Variants in MAN1C1 observed in about 807,000 individuals in gnomAD.
MAN1C1 encodes the protein mannosyl-oligosaccharide 1,2-alpha-mannosidase IC.
Under a neutral mutation model 71.5 loss-of-function variants are expected in MAN1C1, and 49 were observed. That is an observed-to-expected ratio of 0.69 (90% CI 0.54 to 0.87). The LOEUF (loss-of-function observed/expected upper bound fraction) is 0.87. Among genes scored for constraint, MAN1C1 ranks in the 40% least tolerant of loss-of-function variants. The pLI is 0.00. For missense variants in MAN1C1, 743 were observed against 835.0 expected (o/e 0.89, Z 1.36); for synonymous variants, 352 against 343.7 (o/e 1.02, Z -0.27).
chr1:25,763,746 C>G (rs2047391309), intron 6 of MAN1C1, 128 bp from the exon 7 acceptor site: 1 of 748,586 alleles, frequency 1.3e-6, no homozygotes, highest in East Asian at 2.5e-5. Flanking sequence ...TTGGGCAGCT[C>G]TCCCTTCCTG....
intron 2 of MAN1C1, among the ~76,000 whole-genome samples, chr1:25,732,202 G>T (rs1177885958): frequency 6.6e-6 from 1 of 152,148 alleles, no homozygotes; most frequent in Non-Finnish European, 1.5e-5. Flanking sequence ...CAGCCCAGAG[G>T]TGGGAGATAG....
At position 25,725,070 on chromosome 1, in the gene MAN1C1, T is replaced by C. The variant is rs1409000022; in HGVS notation, c.638-21598T>C. Among the ~76,000 whole-genome samples, 3 of 152,174 alleles carry C rather than the reference T, an allele frequency of 2.0e-5. No homozygotes were observed. Among genetic ancestry groups the C allele is most frequent in the Admixed American group, 6.5e-5 (1 of 15,280 alleles). On this transcript the variant is annotated intron_variant, in intron 2 of 11. Transcript: ENST00000374332. This position sits in a 1 kb window ranked among gnomAD's most constrained non-coding sequence, Gnocchi z 4.8. ...AGAGATAAGCATTTCAATTGGGAAA[T>C]GTAATTAGCCAAGGAAAATGAATGT... is the stretch of plus-strand genomic sequence containing the variant.
chr1:25,740,565 C>T (rs541978249), intron 2 of MAN1C1, among the ~76,000 whole-genome samples: 90 of 152,088 alleles, frequency 5.9e-4, no homozygotes, highest in African/African-American at 2.1e-3. Flanking sequence ...GCCTCCCAAG[C>T]AGCTGGGACT....
intron 2 of MAN1C1, among the ~76,000 whole-genome samples, chr1:25,734,078 C>A (rs998560858): frequency 5.9e-5 from 9 of 151,698 alleles, no homozygotes; most frequent in Non-Finnish European, 1.3e-4. Flanking sequence ...GGATTACAGG[C>A]GTGAGCCACT....
At chr1:25,637,139 A>G (rs1280046696) in intron 1 of MAN1C1, among the ~76,000 whole-genome samples, 2 of 152,128 alleles carry the variant, frequency 1.3e-5, no homozygotes, top group African/African-American at 4.8e-5. Flanking sequence ...TGGGCAACAG[A>G]GCAAACTCTG....
intron 2 of MAN1C1, among the ~76,000 whole-genome samples, chr1:25,707,661 T>C (rs2046542689): frequency 6.6e-6 from 1 of 152,334 alleles, no homozygotes; most frequent in African/African-American, 2.4e-5. Context: ...CATTTGTTCA[T>C]TCAGTGAGCC....
At chr1:25,671,196 C>T (rs1427541756) in intron 1 of MAN1C1, among the ~76,000 whole-genome samples, 4 of 152,166 alleles carry the variant, frequency 2.6e-5, no homozygotes. Context: ...CTGTTTGTTC[C>T]ATGTCCTTGG....
chr1:25,704,784 A>G (rs1234873497), intron 2 of MAN1C1, among the ~76,000 whole-genome samples: 1 of 152,248 alleles, frequency 6.6e-6, no homozygotes, highest in African/African-American at 2.4e-5. Flanking sequence ...ATCTGTTGTC[A>G]TCCAGATACT....
At chr1:25,680,340 C>T (rs985254840) in intron 1 of MAN1C1, among the ~76,000 whole-genome samples, 5 of 152,150 alleles carry the variant, frequency 3.3e-5, no homozygotes, top group South Asian at 2.1e-4. Context: ...TGGGATTACA[C>T]GTGTGAGCCA....
intron 1 of MAN1C1, among the ~76,000 whole-genome samples, chr1:25,640,759 T>A (rs925330151): frequency 6.6e-6 from 1 of 152,186 alleles, no homozygotes; most frequent in Non-Finnish European, 1.5e-5. Flanking sequence ...CCCACACTAA[T>A]GTACACTCAG....
intron 7 of MAN1C1, among the ~76,000 whole-genome samples, chr1:25,767,909 T>C (rs1455276939): frequency 7.6e-5 from 2 of 26,196 alleles, no homozygotes; most frequent in Non-Finnish European, 1.2e-4. Flanking sequence ...TACACACACA[T>C]TACACACTCC....
rs2047523902 is a variant in MAN1C1 at position 25,769,886 on chromosome 1, T to A, written c.1142-1771T>A. Among the ~76,000 whole-genome samples the A allele has an allele frequency of 6.6e-6, 1 of 152,098 alleles. No homozygotes were observed. The highest frequency in any genetic ancestry group is 2.4e-5 in the African/African-American group (1 of 41,398). On this transcript the variant is annotated intron_variant, in intron 7 of 11. Coordinates refer to ENST00000374332, the MANE Select transcript of MAN1C1 (RefSeq NM_020379.4). This position sits in a 1 kb window ranked among gnomAD's most constrained non-coding sequence, Gnocchi z 4.8. The stretch of plus-strand genomic sequence containing the variant: ...GAGGGCTTCAGATGGTGCCTGGCCT[T>A]GTTTCACTTAATCCCCGTGGCCACC...
chr1:25,769,698 G>A lies in MAN1C1; in HGVS notation c.1142-1959G>A, dbSNP rs551756384. On this transcript the variant is annotated intron_variant, in intron 7 of 11. Coordinates refer to ENST00000374332, the MANE Select transcript of MAN1C1 (RefSeq NM_020379.4). The surrounding 1 kb of genome is among the most constrained non-coding windows in gnomAD (Gnocchi z 4.8). ...CAGCACTCCATGGGCATCTCTGTGC[G>A]CCGTGTAGTTACTGGGCACAGAGCG... is the stretch of plus-strand genomic sequence containing the variant. Among the ~76,000 whole-genome samples, 199 of 152,188 alleles carry A rather than the reference G, an allele frequency of 1.3e-3. No individual in the cohort carries two copies. Among genetic ancestry groups the A allele is most frequent in the Admixed American group, 2.1e-3 (32 of 15,292 alleles).
intron 1 of MAN1C1, among the ~76,000 whole-genome samples, chr1:25,685,487 G>C (rs1244156512): frequency 6.6e-6 from 1 of 152,262 alleles, no homozygotes; most frequent in Non-Finnish European, 1.5e-5. Flanking sequence ...ATAAAGGCAA[G>C]TGAGGGAGAC....
intron 1 of MAN1C1, among the ~76,000 whole-genome samples, chr1:25,638,122 T>C (rs989206415): frequency 5.9e-5 from 9 of 152,148 alleles, no homozygotes; most frequent in African/African-American, 2.2e-4. Context: ...TTCCTTTTCA[T>C]GCCTTCTTTT....
intron 2 of MAN1C1, among the ~76,000 whole-genome samples, chr1:25,739,015 G>A (rs1374256301): frequency 6.6e-6 from 1 of 152,014 alleles, no homozygotes; most frequent in Non-Finnish European, 1.5e-5. Flanking sequence ...AATTTTAAAA[G>A]TTATCCAGGC....
At chr1:25,744,244 G>T (rs1382169199) in intron 2 of MAN1C1, among the ~76,000 whole-genome samples, 1 of 152,176 alleles carries the variant, frequency 6.6e-6, no homozygotes, top group African/African-American at 2.4e-5. Flanking sequence ...CCCTGCTTGA[G>T]CACCTCGAGA....
At chr1:25,624,003 C>G (rs1023167878) in intron 1 of MAN1C1, among the ~76,000 whole-genome samples, 1 of 152,200 alleles carries the variant, frequency 6.6e-6, no homozygotes. Context: ...CCAAAAAGAC[C>G]AGGATCATTC....
In MAN1C1 at chr1:25,746,559, C is replaced by A; in HGVS notation, c.638-109C>A. On this transcript the variant is annotated intron_variant, in intron 2 of 11. Transcript: ENST00000374332. The surrounding 1 kb of genome is among the most constrained non-coding windows in gnomAD (Gnocchi z 4.0). ...GGATGGTGCCTGAGGCCAGCCTTTG[C>A]CACCAAGCCTGCGCTGGCATTGGAG... 1 of 875,302 alleles carries A rather than the reference C, an allele frequency of 1.1e-6. No individual in the cohort carries two copies. The highest frequency in any genetic ancestry group is 1.9e-6 in the Non-Finnish European group (1 of 532,242). 54.2% of individuals were successfully genotyped at this position (875,302 alleles called of 1,614,324 possible).
Sources: gnomAD v4.1 joint callset for allele counts (sites outside exome capture counted in the v4.1 genomes callset) on GRCh38, gnomAD v4.1.1 for gene constraint, Gnocchi (gnomAD v3.1) non-coding constraint, MANE v1.5 for transcripts, NCBI Gene and HGNC (gene_info 2026-07-23, HGNC 2026-07-21) for gene names.